The following ARSG variants were observed in gnomAD, a reference collection of about 807,000 sequenced individuals.
ARSG encodes ASG.
In ARSG, 37 loss-of-function variants were observed where a neutral mutation model predicts 50.5. The observed-to-expected ratio is 0.73, with a 90% CI of 0.56 to 0.96. The LOEUF is 0.96. Ranked by LOEUF, ARSG falls within the 50% of genes least tolerant of loss-of-function variation. The pLI is 0.00. For synonymous variants in ARSG, 225 were observed against 254.6 expected (o/e 0.88, Z 1.11); for missense variants, 629 against 675.3 (o/e 0.93, Z 0.76).
chr17:68,280,719 T>C (rs2075667458), intron 1 of ARSG, among the ~76,000 whole-genome samples: 1 of 152,126 alleles, frequency 6.6e-6, no homozygotes, highest in African/African-American at 2.4e-5. Flanking sequence ...TTTAGGACAT[T>C]TGTCTGAGGA....
intron 1 of ARSG, chr17:68,270,769 T>C: frequency 7.3e-7 from 1 of 1,369,672 alleles, no homozygotes. Flanking sequence ...TTTTTATGGC[T>C]TGAACAGGAA....
chr17:68,352,119 G>GGAGAGAGAGAGAGAGAGAGAGAGACA (rs149581343), intron 5 of ARSG, among the ~76,000 whole-genome samples: 1 of 73,002 alleles, frequency 1.4e-5, no homozygotes, highest in African/African-American at 4.9e-5. Flanking sequence ...GAGAGACAGA[G>GGAGAGAGAGAGAGAGAGAGAGAGACA]GAGAGAGAGA....
intron 2 of ARSG, among the ~76,000 whole-genome samples, chr17:68,340,484 C>T (rs925215570): frequency 6.6e-6 from 1 of 152,020 alleles, no homozygotes; most frequent in Non-Finnish European, 1.5e-5. Flanking sequence ...CGGAGTTTCG[C>T]CATGTTAGCC....
At chr17:68,346,859 C>G in intron 3 of ARSG, 1 of 1,408,564 alleles carries the variant, frequency 7.1e-7, no homozygotes, top group Non-Finnish European at 9.4e-7. Flanking sequence ...GAGGCTCAGG[C>G]TTCTCCGGGC....
chr17:68,386,242 A>C (rs1422674308), intron 9 of ARSG, among the ~76,000 whole-genome samples: 1 of 152,190 alleles, frequency 6.6e-6, no homozygotes, highest in Non-Finnish European at 1.5e-5. Flanking sequence ...TGTGTTCACT[A>C]ACAAGGGGAA....
chr17:68,259,256 C>T (rs1187340475), exon 1 of ARSG: 2 of 152,194 alleles, frequency 1.3e-5, no homozygotes, highest in African/African-American at 4.8e-5. Context: ...CGGGGACTTC[C>T]CCGGCGGGGC....
chr17:68,274,612 G>C (rs2075451054), intron 1 of ARSG: 3 of 152,226 alleles, frequency 2.0e-5, no homozygotes, highest in Admixed American at 2.0e-4. Flanking sequence ...TATATTTTTA[G>C]ATGACTCTGA....
intron 2 of ARSG, among the ~76,000 whole-genome samples, chr17:68,339,254 C>T (rs1314735583): frequency 2.0e-5 from 3 of 152,000 alleles, no homozygotes; most frequent in Admixed American, 6.6e-5. Flanking sequence ...GCCGAGATCG[C>T]ACCACTGCAC....
rs536008457 is a variant in ARSG at position 68,369,247 on chromosome 17, C to G, written c.901+503C>G. Among the ~76,000 whole-genome samples, 3 of 152,236 alleles carry G rather than the reference C, an allele frequency of 2.0e-5. No homozygotes were observed. In the South Asian group the frequency reaches 6.2e-4, roughly 32 times the overall value. On this transcript the variant is annotated intron_variant, in intron 7 of 11. Coordinates refer to ENST00000621439, the MANE Select transcript of ARSG (RefSeq NM_001267727.2). Reference sequence around the variant, plus strand: ...CTGGAGCGACTGCAGAGGTTATAAGCACTGCTTTTGGCCAGGTTGACTCAC... The same window carrying G: ...CTGGAGCGACTGCAGAGGTTATAAGGACTGCTTTTGGCCAGGTTGACTCAC...
the ARSG span, among the ~76,000 whole-genome samples, chr17:68,431,773 T>G: frequency 1.1e-4 from 1 of 9,286 alleles, no homozygotes; most frequent in African/African-American, 6.2e-4. Flanking sequence ...CGTGGACAGG[T>G]TGAGCGGAGA....
chr17:68,297,826 T>G (rs1428999390), intron 1 of ARSG, among the ~76,000 whole-genome samples: 4 of 152,182 alleles, frequency 2.6e-5, no homozygotes, highest in Non-Finnish European at 5.9e-5. Flanking sequence ...TTTAGTGTGT[T>G]CTCATATTTA....
intron 11 of ARSG, among the ~76,000 whole-genome samples, chr17:68,402,610 T>C (rs1027834358): frequency 5.9e-5 from 9 of 151,868 alleles, no homozygotes; most frequent in Admixed American, 4.6e-4. Flanking sequence ...CTGCAAGCTC[T>C]GCCTCCCTGG....
intron 1 of ARSG, among the ~76,000 whole-genome samples, chr17:68,286,410 T>C (rs2075843391): frequency 6.6e-6 from 1 of 152,194 alleles, no homozygotes. Flanking sequence ...GGGAAACTGA[T>C]CCCCAAGAGG....
At chr17:68,433,777 T>TTTTG in the ARSG span, among the ~76,000 whole-genome samples, 41 of 63,656 alleles carry the variant, frequency 6.4e-4, no homozygotes, top group African/African-American at 1.9e-3. Flanking sequence ...TTTTTTTTTT[T>TTTTG]TTTTTTTTTT....
At chr17:68,366,734 G>GAT (rs1160595144) in intron 6 of ARSG, among the ~76,000 whole-genome samples, 1 of 150,748 alleles carries the variant, frequency 6.6e-6, no homozygotes, top group Non-Finnish European at 1.5e-5. Flanking sequence ...TATATATACA[G>GAT]ATATATATAA....
At chr17:68,278,220 A>G (rs782137442) in intron 1 of ARSG, 3 of 1,614,134 alleles carry the variant, frequency 1.9e-6, no homozygotes, top group East Asian at 2.2e-5. Context: ...GAAGACTTCA[A>G]CGAAGAAAAA....
intron 5 of ARSG, among the ~76,000 whole-genome samples, chr17:68,352,063 GGA>G (rs764916757): frequency 1.2e-4 from 17 of 141,372 alleles, no homozygotes; most frequent in Admixed American, 1.4e-4. Context: ...GAGAGACAGA[GGA>G]GAGAGAGAGA....
At chr17:68,305,128 C>T (rs1303898125) in intron 1 of ARSG, among the ~76,000 whole-genome samples, 1 of 152,154 alleles carries the variant, frequency 6.6e-6, no homozygotes, top group Non-Finnish European at 1.5e-5. Context: ...GAGCTGGGAT[C>T]TGTCTCTTTA....
chr17:68,325,325 C>T (rs2077462396), intron 2 of ARSG, among the ~76,000 whole-genome samples: 1 of 152,014 alleles, frequency 6.6e-6, no homozygotes, highest in Non-Finnish European at 1.5e-5. Context: ...CTCCCATCAC[C>T]CCCAGATGGG....
Sources: gnomAD v4.1 joint callset for allele counts (sites outside exome capture counted in the v4.1 genomes callset) on GRCh38, gnomAD v4.1.1 for gene constraint, MANE v1.5 for transcripts, NCBI Gene and HGNC (gene_info 2026-07-23, HGNC 2026-07-21) for gene names.